The following RPLP0 variants were observed in gnomAD, a reference collection of about 807,000 sequenced individuals.
RPLP0 encodes the protein ribosomal protein lateral stalk subunit P0.
For missense variants in RPLP0, 276 were observed against 402.9 expected (o/e 0.69, Z 2.70); for synonymous variants, 137 against 153.4 (o/e 0.89, Z 0.79).
At chr12:120,197,135 CCT>C (rs1234284496) in intron 7 of RPLP0, 185 bp downstream of exon 7, 10 of 1,039,884 alleles carry the variant, frequency 9.6e-6, no homozygotes, top group African/African-American at 8.0e-5. Context: ...CCATTAACCC[CCT>C]CTTTGGGTCT....
intron 7 of RPLP0, 117 bp from the exon 8 acceptor site, chr12:120,197,051 C>T: frequency 6.5e-7 from 1 of 1,533,066 alleles, no homozygotes. Context: ...GAAGCCTTTC[C>T]TGTCAGAAGC....
rs1879288008 is a variant in RPLP0 at position 120,198,809 on chromosome 12, G to A, written c.465+45C>T. 6.2e-7 allele frequency: 1 copy of A among 1,611,858 alleles called. No individual in the cohort carries two copies. The highest frequency in any genetic ancestry group is 1.7e-5 in the Admixed American group (1 of 59,996). ...AGCAGATCCATGGCCACTAAAAGCA[G>A]CTCCCCATTTGCCTGGTTAGCACAG... On this transcript the variant is annotated intron_variant, in intron 5 of 7. Transcript: ENST00000392514. This position sits in a 1 kb window ranked among gnomAD's most constrained non-coding sequence, Gnocchi z 4.1.
At chr12:120,200,461 T>TAAA (rs879621662) in intron 2 of RPLP0, 1 of 358,160 alleles carries the variant, frequency 2.8e-6, no homozygotes, top group Non-Finnish European at 5.1e-6. Flanking sequence ...AGACTCCGTT[T>TAAA]AAAAAAAAAA....
Position 120,198,388 on chromosome 12 carries a change from A to C in RPLP0, c.651+166T>G. 1 of 297,240 alleles carries C rather than the reference A, an allele frequency of 3.4e-6. No individual in the cohort carries two copies. The highest frequency in any genetic ancestry group is 5.6e-6 in the Non-Finnish European group (1 of 178,448). The allele number at this position is 297,240 out of a possible 1,614,324, so 18.4% of individuals were successfully genotyped here. A position where few individuals can be genotyped will look rare whatever the true frequency, so the allele number is the denominator to read the frequency against. On this transcript the variant is annotated intron_variant, in intron 6 of 7. Coordinates refer to ENST00000392514, the MANE Select transcript of RPLP0 (RefSeq NM_001002.4). This position sits in a 1 kb window ranked among gnomAD's most constrained non-coding sequence, Gnocchi z 4.1. ...GCGACACAGCAAGACTCTGTCTCCAAAAAAAAAAAAAAAAAATCCTTCAAC... is the reference window on the plus strand; with the variant it reads ...GCGACACAGCAAGACTCTGTCTCCACAAAAAAAAAAAAAAAATCCTTCAAC...
At position 120,198,402 on chromosome 12, in the gene RPLP0, A is replaced by C. The variant is rs78225008; in HGVS notation, c.651+152T>G. The C allele has an allele frequency of 0.025, 20,478 of 818,158 alleles. 121 individuals carry two copies. Among genetic ancestry groups the C allele is most frequent in the Middle Eastern group, 0.092 (263 of 2,856 alleles). 50.7% of individuals were successfully genotyped at this position (818,158 alleles called of 1,614,324 possible). A position where few individuals can be genotyped will look rare whatever the true frequency, so the allele number is the denominator to read the frequency against. ...CTCTGTCTCCAAAAAAAAAAAAAAA[A>C]AATCCTTCAACAATCTTATGTTGTT... On this transcript the variant is annotated intron_variant, in intron 6 of 7. Transcript: ENST00000392514. This position sits in a 1 kb window ranked among gnomAD's most constrained non-coding sequence, Gnocchi z 4.1.
At position 120,197,123 on chromosome 12, in the gene RPLP0, G is replaced by A. The variant is rs1639272452; in HGVS notation, c.793-189C>T. On this transcript the variant is annotated intron_variant, in intron 7 of 7. Transcript: ENST00000392514. ...GCAGGGTTCCTAAGGCCCAGCTCTTGCCCATTAACCCCCTCTTTGGGTCTC... is the reference window on the plus strand; with the variant it reads ...GCAGGGTTCCTAAGGCCCAGCTCTTACCCATTAACCCCCTCTTTGGGTCTC... The A allele has an allele frequency of 6.4e-6, 7 of 1,086,150 alleles. No homozygotes were observed. The South Asian group carries it at 1.1e-4, about 16-fold the overall frequency. 67.3% of individuals were successfully genotyped at this position (1,086,150 alleles called of 1,614,324 possible).
intron 1 of RPLP0, 29 bp downstream of exon 1, chr12:120,201,054 C>A: frequency 2.2e-6 from 1 of 449,140 alleles, no homozygotes; most frequent in Non-Finnish European, 3.9e-6. Context: ...GCCGGCGACC[C>A]CTGGCGCCCA....
chr12:120,197,181 G>A (rs1045180999), intron 7 of RPLP0, 141 bp downstream of exon 7: 2 of 1,005,994 alleles, frequency 2.0e-6, no homozygotes, highest in African/African-American at 1.6e-5. Flanking sequence ...CGCCTTCCCT[G>A]CCTCCCAACC....
In RPLP0 at chr12:120,198,419, TATG is replaced by T. The variant is rs1021499268; in HGVS notation, c.651+132_651+134del. 2.1e-6 allele frequency: 2 copies of T among 942,446 alleles called. No individual in the cohort carries two copies. The highest frequency in any genetic ancestry group is 3.3e-5 in the African/African-American group (2 of 59,832). The allele number at this position is 942,446 out of a possible 1,614,324, so 58.4% of individuals were successfully genotyped here. ...AAAAAAAAAAATCCTTCAACAATCT[TATG>T]TTGTTACTGACATTTTACAGATGAG... On this transcript the variant is annotated intron_variant, in intron 6 of 7. Coordinates refer to ENST00000392514, the MANE Select transcript of RPLP0 (RefSeq NM_001002.4). This position sits in a 1 kb window ranked among gnomAD's most constrained non-coding sequence, Gnocchi z 4.1.
chr12:120,199,262 G>A, intron 3 of RPLP0, 48 bp downstream of exon 3: 1 of 1,613,202 alleles, frequency 6.2e-7, no homozygotes, highest in South Asian at 1.1e-5. Context: ...TCCAGGAAGA[G>A]GGAGACGGGC....
chr12:120,199,091 C>G (rs745516495), intron 4 of RPLP0, 27 bp downstream of exon 4: 1 of 1,611,724 alleles, frequency 6.2e-7, no homozygotes, highest in Non-Finnish European at 8.5e-7. Flanking sequence ...AACAAAGTCT[C>G]TTTAGCCAAC....
chr12:120,200,180 T>TTTACA (rs1160402915), intron 2 of RPLP0: 26 of 449,480 alleles, frequency 5.8e-5, no homozygotes, highest in African/African-American at 3.0e-4. Context: ...AACTGTAATG[T>TTTACA]GCGGCCGGGC....
intron 6 of RPLP0, 149 bp from the exon 7 acceptor site, chr12:120,197,611 T>C (rs1368014766): frequency 1.1e-6 from 1 of 883,680 alleles, no homozygotes; most frequent in East Asian, 2.7e-5. Flanking sequence ...TACCAAATGC[T>C]CCTGGCAGAG....
intron 2 of RPLP0, 108 bp downstream of exon 2, chr12:120,200,622 G>A (rs749195141): frequency 4.9e-6 from 6 of 1,212,524 alleles, no homozygotes; most frequent in Non-Finnish European, 6.9e-6. Context: ...TCCCAAAAAT[G>A]GCCTAATTCA....
intron 6 of RPLP0, 35 bp from the exon 7 acceptor site, chr12:120,197,497 C>CATTTCCTT: frequency 6.3e-7 from 1 of 1,599,872 alleles, no homozygotes; most frequent in Non-Finnish European, 8.6e-7. Flanking sequence ...ACGTGAGATT[C>CATTTCCTT]CCTACAGGAA....
In RPLP0 at chr12:120,201,065, T is replaced by C. The variant is rs1393490259; in HGVS notation, c.-49+18A>G. The C allele has an allele frequency of 7.0e-6, 3 of 430,614 alleles. No individual in the cohort carries two copies. Among genetic ancestry groups the C allele is most frequent in the Non-Finnish European group, 1.2e-5 (3 of 242,084 alleles). 26.7% of individuals were successfully genotyped at this position (430,614 alleles called of 1,614,324 possible). A position where few individuals can be genotyped will look rare whatever the true frequency, so the allele number is the denominator to read the frequency against. ...TCCCGCCGGCGACCCCTGGCGCCCATCTAACTAGCACACGAACCTTCCACG... is the reference window on the plus strand; with the variant it reads ...TCCCGCCGGCGACCCCTGGCGCCCACCTAACTAGCACACGAACCTTCCACG... On this transcript the variant is annotated intron_variant, in intron 1 of 7. Coordinates refer to ENST00000392514, the MANE Select transcript of RPLP0 (RefSeq NM_001002.4).
rs1029661818 is a variant in RPLP0, at chr12:120,197,303, C to G, written c.792+19G>C. 5 of 1,612,390 alleles carry G rather than the reference C, an allele frequency of 3.1e-6. No homozygotes were observed. The highest frequency in any genetic ancestry group is 3.4e-6 in the Non-Finnish European group (4 of 1,178,638). The stretch of plus-strand genomic sequence containing the variant: ...TTGTCACAGTCAGGCCCACTGTGGT[C>G]CTGGTGGGATCCTTTTACCTTTTCA... On this transcript the variant is annotated intron_variant, in intron 7 of 7. Transcript: ENST00000392514.
intron 6 of RPLP0, chr12:120,197,766 A>G (rs749953987): frequency 2.1e-4 from 66 of 309,160 alleles, no homozygotes; most frequent in Admixed American, 2.6e-4. Flanking sequence ...CCATGAACGA[A>G]AAATGTTCAA....
chr12:120,199,848 C>A, intron 2 of RPLP0: 2 of 362,278 alleles, frequency 5.5e-6, no homozygotes, highest in South Asian at 2.1e-5. Flanking sequence ...TTAAAAGCAC[C>A]ACGTTAAGCA....
Sources: gnomAD v4.1 joint callset for allele counts on GRCh38, gnomAD v4.1.1 for gene constraint, Gnocchi (gnomAD v3.1) non-coding constraint, MANE v1.5 for transcripts, NCBI Gene and HGNC (gene_info 2026-07-23, HGNC 2026-07-21) for gene names.